TRIM33: variants seen among roughly 807,000 people sequenced by gnomAD.
TRIM33 encodes E3 ubiquitin-protein ligase TRIM33.
In TRIM33, 20 loss-of-function variants were observed where a neutral mutation model predicts 125.4. The observed-to-expected ratio is 0.16, with a 90% CI of 0.11 to 0.23. The LOEUF (loss-of-function observed/expected upper bound fraction) is 0.23, where lower values mean the gene tolerates loss of function less well. Ranked by LOEUF, TRIM33 falls within the 10% of genes least tolerant of loss-of-function variation. The pLI is 1.00. For synonymous variants in TRIM33, 564 were observed against 513.9 expected, an observed-to-expected ratio of 1.10 and a Z score of -1.32; for missense variants, 920 against 1,411.4, an observed-to-expected ratio of 0.65 and a Z score of 5.58.
chr1:114,424,037 A>T (rs776976472), intron 10 of TRIM33, among the ~76,000 whole-genome samples: 1 of 152,194 alleles, frequency 6.6e-6, no homozygotes, highest in African/African-American at 2.4e-5. Context: ...CTGTATACTC[A>T]TATCTCCCAT....
At position 114,406,930 on chromosome 1, in the gene TRIM33, T is replaced by C; in HGVS notation, c.2418+11A>G. On this transcript the variant is annotated intron_variant, in intron 14 of 19. Coordinates refer to ENST00000358465, the MANE Select transcript of TRIM33 (RefSeq NM_015906.4). The stretch of plus-strand genomic sequence containing the variant: ...TCCTTAAGTCCCTGTCAGACTCCAG[T>C]GGGAGCTTACCATGCAAGCACTCCT... 6.2e-7 allele frequency: 1 copy of C among 1,612,614 alleles called. No homozygotes were observed.
chr1:114,453,083 G>A (rs895599147), intron 4 of TRIM33, among the ~76,000 whole-genome samples: 3 of 152,168 alleles, frequency 2.0e-5, no homozygotes, highest in Admixed American at 1.3e-4. Context: ...CACAGAAGTG[G>A]ATAGGCACAG....
chr1:114,417,230 C>T (rs187101918), intron 11 of TRIM33, among the ~76,000 whole-genome samples: 5 of 152,056 alleles, frequency 3.3e-5, no homozygotes, highest in Admixed American at 1.3e-4. Context: ...CTAATGAGTA[C>T]CATTTCTTTT....
chr1:114,458,965 T>C (rs959934749), intron 4 of TRIM33, among the ~76,000 whole-genome samples: 1 of 152,176 alleles, frequency 6.6e-6, no homozygotes, highest in Non-Finnish European at 1.5e-5. Context: ...TCCAATGACA[T>C]GGTTTCTGCA....
intron 4 of TRIM33, among the ~76,000 whole-genome samples, chr1:114,446,563 T>A (rs1421973564): frequency 6.6e-6 from 1 of 151,764 alleles, no homozygotes; most frequent in Non-Finnish European, 1.5e-5. Context: ...CTAAAAATAA[T>A]AAAGTACAGC....
At chr1:114,499,715 C>A (rs1421522425) in intron 1 of TRIM33, among the ~76,000 whole-genome samples, 7 of 152,172 alleles carry the variant, frequency 4.6e-5, no homozygotes, top group Non-Finnish European at 1.5e-5. Flanking sequence ...TCATAAAGCC[C>A]TAGTGAACAG....
intron 4 of TRIM33, among the ~76,000 whole-genome samples, chr1:114,441,118 G>A (rs942880300): frequency 2.6e-5 from 4 of 152,128 alleles, no homozygotes; most frequent in Non-Finnish European, 5.9e-5. Context: ...CACCAGCCAG[G>A]GTAATAAAGC....
At chr1:114,483,093 C>G (rs777994940) in intron 1 of TRIM33, among the ~76,000 whole-genome samples, 2 of 152,080 alleles carry the variant, frequency 1.3e-5, no homozygotes, top group African/African-American at 2.4e-5. Context: ...TCACTTGAGA[C>G]CAGGTGTTCG....
intron 1 of TRIM33, among the ~76,000 whole-genome samples, chr1:114,464,829 A>G (rs1303672116): frequency 7.9e-5 from 12 of 152,208 alleles, no homozygotes; most frequent in Admixed American, 7.9e-4. Flanking sequence ...CAATTATAAT[A>G]ACAATGGACG....
intron 1 of TRIM33, among the ~76,000 whole-genome samples, chr1:114,489,235 C>T (rs543964829): frequency 2.0e-5 from 3 of 152,198 alleles, no homozygotes; most frequent in South Asian, 2.1e-4. Context: ...TATCCTTGTG[C>T]AAAAGAATGA....
Position 114,510,881 on chromosome 1 carries a change from C to A in TRIM33, c.196G>T (p.Gly66Trp), listed in dbSNP as rs1161329688. The A allele has an allele frequency of 6.9e-7, 1 of 1,452,244 alleles. No homozygotes were observed. 90.0% of individuals were successfully genotyped at this position (1,452,244 alleles called of 1,614,324 possible). The part of the protein sequence containing the change: ...EGGAAGPDDG[G>W]VAAASSGSAQ... ...GAGCCCGAGGAGGCCGCGGCCACCC[C>A]CCCGTCGTCGGGCCCGGCCGCGCCG... The change falls in exon 1 of 20, where the codon GGG becomes TGG. Residue 66 changes from glycine (G) to tryptophan (W), a missense_variant. By Grantham distance (184) the Gly-to-Trp change is radical. This residue lies in a region of TRIM33 where 233 missense variants were observed against 189.6 expected (regional missense o/e 1.23). Coordinates refer to ENST00000358465, the MANE Select transcript of TRIM33 (RefSeq NM_015906.4).
At chr1:114,503,692 G>C (rs1260275592) in intron 1 of TRIM33, among the ~76,000 whole-genome samples, 1 of 152,026 alleles carries the variant, frequency 6.6e-6, no homozygotes, top group East Asian at 1.9e-4. Flanking sequence ...ACCAGCTCAT[G>C]GCAGCAAATA....
rs763634899 is a variant in TRIM33 at position 114,424,761 on chromosome 1, A to G, written c.1696-6T>C. 2 of 1,475,090 alleles carry G rather than the reference A, an allele frequency of 1.4e-6. No individual in the cohort carries two copies. The highest frequency in any genetic ancestry group is 2.9e-5 in the South Asian group (2 of 68,128). 91.4% of individuals were successfully genotyped at this position (1,475,090 alleles called of 1,614,324 possible). On this transcript the variant is annotated splice_region_variant and splice_polypyrimidine_tract_variant and intron_variant, in intron 9 of 19. Transcript: ENST00000358465. Reference sequence around the variant, plus strand: ...ACACTGATCAATCGAGGAGGCTACAAAAAGTAGAAATTGCAATTTATGTAA... The same window carrying G: ...ACACTGATCAATCGAGGAGGCTACAGAAAGTAGAAATTGCAATTTATGTAA...
intron 1 of TRIM33, among the ~76,000 whole-genome samples, chr1:114,494,265 G>T (rs1038353318): frequency 6.6e-6 from 1 of 151,942 alleles, no homozygotes; most frequent in Non-Finnish European, 1.5e-5. Context: ...CTGGCCCAAT[G>T]TCATTTTTTG....
At chr1:114,498,454 C>A (rs1652508324) in intron 1 of TRIM33, among the ~76,000 whole-genome samples, 1 of 152,090 alleles carries the variant, frequency 6.6e-6, no homozygotes, top group Non-Finnish European at 1.5e-5. Flanking sequence ...TCAAGACCAG[C>A]CTGGCCAACA....
intron 4 of TRIM33, among the ~76,000 whole-genome samples, chr1:114,454,375 G>T (rs1649505083): frequency 1.3e-5 from 2 of 152,028 alleles, no homozygotes; most frequent in South Asian, 4.2e-4. Context: ...AGATAAACAA[G>T]GAAATGCAAA....
At chr1:114,439,882 T>C (rs1391311475) in intron 4 of TRIM33, among the ~76,000 whole-genome samples, 1 of 152,106 alleles carries the variant, frequency 6.6e-6, no homozygotes, top group Admixed American at 6.5e-5. Flanking sequence ...AGCAACATCT[T>C]TAAACTACTT....
intron 4 of TRIM33, among the ~76,000 whole-genome samples, chr1:114,437,469 C>G (rs114000705): frequency 0.026 from 3,920 of 152,150 alleles, 86 homozygotes; most frequent in Non-Finnish European, 0.034. Context: ...CTCCCGAGTA[C>G]ATAGGACTAC....
chr1:114,500,998 G>A lies in TRIM33; in HGVS notation c.526+9553C>T, dbSNP rs1192145909. Among the ~76,000 whole-genome samples, 9 of 67,256 alleles carry A rather than the reference G, an allele frequency of 1.3e-4. 1 individual carries two copies. The highest frequency in any genetic ancestry group is 2.4e-4 in the Admixed American group (2 of 8,426). The allele number at this position is 67,256 out of a possible 152,430, so 44.1% of individuals were successfully genotyped here. On this transcript the variant is annotated intron_variant, in intron 1 of 19. Coordinates refer to ENST00000358465, the MANE Select transcript of TRIM33 (RefSeq NM_015906.4). ...GAGGTCAGGAGATCGAGACCATCCC[G>A]GCTAACACGGTAAAACCCCGTCTCT...
Sources: allele counts gnomAD v4.1 joint callset (sites outside exome capture counted in the v4.1 genomes callset), GRCh38; gene constraint gnomAD v4.1.1; regional missense constraint gnomAD v4.1.1; transcripts MANE v1.5; gene names NCBI Gene and HGNC (gene_info 2026-07-23, HGNC 2026-07-21).